Variants in IL17D observed in about 807,000 individuals in gnomAD.
IL17D encodes interleukin-17D.
IL17D carries 10 observed loss-of-function variants against 5.7 expected under a neutral mutation model. The observed-to-expected ratio is 1.75, with a 90% confidence interval of 1.08 to 2.97. The LOEUF is 2.97. Among genes scored for constraint, IL17D ranks in the 30% most tolerant of loss-of-function variants. IL17D has a pLI of 0.00. For synonymous variants in IL17D, 172 were observed against 141.7 expected, an observed-to-expected ratio of 1.21 and a Z score of -1.52; for missense variants, 354 against 292.7, an observed-to-expected ratio of 1.21 and a Z score of -1.53.
chr13:20,718,124 G>T (rs2058692509), intron 1 of IL17D, among the ~76,000 whole-genome samples: 1 of 152,056 alleles, frequency 6.6e-6, no homozygotes, highest in Non-Finnish European at 1.5e-5. Context: ...CCCGCCTTTG[G>T]TTTTCCTGCG....
At chr13:20,707,122 C>T (rs1187025341) in intron 1 of IL17D, among the ~76,000 whole-genome samples, 2 of 152,132 alleles carry the variant, frequency 1.3e-5, no homozygotes, top group Admixed American at 6.5e-5. Flanking sequence ...CTGCCCTCCT[C>T]CCTCCAATCA....
chr13:20,704,553 G>A (rs2058575878), intron 1 of IL17D, among the ~76,000 whole-genome samples: 1 of 148,274 alleles, frequency 6.7e-6, no homozygotes, highest in Admixed American at 6.7e-5. Flanking sequence ...GAGGCGGGGT[G>A]GGGCGGGGCA....
At chr13:20,702,676 T>C (rs527332801), upstream of IL17D, 48 of 152,258 alleles carry the variant, frequency 3.2e-4, no homozygotes, top group African/African-American at 1.1e-3. Flanking sequence ...AGAACTGAGT[T>C]ATCACGGAGT....
intron 1 of IL17D, among the ~76,000 whole-genome samples, chr13:20,705,148 G>A (rs907047842): frequency 2.6e-5 from 4 of 152,158 alleles, no homozygotes; most frequent in African/African-American, 4.8e-5. Flanking sequence ...GCCCTAGGGG[G>A]CAAGGCCTCC....
intron 1 of IL17D, among the ~76,000 whole-genome samples, chr13:20,707,055 C>T (rs2058596391): frequency 6.6e-6 from 1 of 152,164 alleles, no homozygotes; most frequent in Non-Finnish European, 1.5e-5. Context: ...TGGGCTGGGA[C>T]TCCAGATTGC....
chr13:20,720,890 C>G (rs2058727957), intron 1 of IL17D, among the ~76,000 whole-genome samples: 1 of 149,146 alleles, frequency 6.7e-6, no homozygotes, highest in Admixed American at 6.7e-5. Context: ...CCCCCCCTCC[C>G]CCGGCAGACT....
chr13:20,716,559 A>G lies in IL17D; in HGVS notation c.291-5077A>G, dbSNP rs1410869292. ...AATCCATCTCCTTCACTTTGCAAAG[A>G]ACCAGGCAAGGTGGAGTTCTCTGCC... is the stretch of plus-strand genomic sequence containing the variant. On this transcript the variant is annotated intron_variant, in intron 1 of 1. Coordinates refer to ENST00000682841, the MANE Select transcript of IL17D (RefSeq NM_001385224.1). This position sits in a 1 kb window ranked among gnomAD's most constrained non-coding sequence, Gnocchi z 4.2. Among the ~76,000 whole-genome samples, 2 of 152,228 alleles carry G rather than the reference A, an allele frequency of 1.3e-5. No homozygotes were observed. The highest frequency in any genetic ancestry group is 4.8e-5 in the African/African-American group (2 of 41,460).
chr13:20,704,965 T>A (rs1160844579), intron 1 of IL17D, among the ~76,000 whole-genome samples: 3 of 152,088 alleles, frequency 2.0e-5, no homozygotes, highest in African/African-American at 7.2e-5. Flanking sequence ...GTGCATGAAG[T>A]GACATGAACA....
At chr13:20,706,343 AG>A (rs2058592284) in intron 1 of IL17D, among the ~76,000 whole-genome samples, 1 of 152,250 alleles carries the variant, frequency 6.6e-6, no homozygotes, top group Admixed American at 6.5e-5. Context: ...ATAGGATTAA[AG>A]CCACATAAGG....
At chr13:20,704,891 C>T (rs1421201026) in intron 1 of IL17D, among the ~76,000 whole-genome samples, 3 of 152,058 alleles carry the variant, frequency 2.0e-5, no homozygotes, top group East Asian at 1.9e-4. Flanking sequence ...CCTCTGAGCC[C>T]CTCTAGTTTA....
chr13:20,717,626 C>T (rs1279093274), intron 1 of IL17D, among the ~76,000 whole-genome samples: 1 of 152,188 alleles, frequency 6.6e-6, no homozygotes, highest in Non-Finnish European at 1.5e-5. Context: ...CTCAAGCCCC[C>T]GCGCCCTGGG....
intron 1 of IL17D, among the ~76,000 whole-genome samples, chr13:20,706,086 G>C (rs1027485648): frequency 1.3e-5 from 2 of 152,214 alleles, no homozygotes; most frequent in Admixed American, 6.5e-5. Context: ...CTACTCTGCA[G>C]AGGACCAAGC....
chr13:20,714,969 C>T (rs183644883), intron 1 of IL17D, among the ~76,000 whole-genome samples: 31 of 152,184 alleles, frequency 2.0e-4, no homozygotes, highest in Non-Finnish European at 3.4e-4. Context: ...CTACTATACC[C>T]GGCCCTGGCC....
intron 1 of IL17D, among the ~76,000 whole-genome samples, chr13:20,705,333 G>A (rs970834565): frequency 2.2e-4 from 34 of 151,560 alleles, no homozygotes; most frequent in Non-Finnish European, 2.1e-4. Flanking sequence ...GTGGGGGGGC[G>A]TAGGCGAGGT....
intron 1 of IL17D, among the ~76,000 whole-genome samples, chr13:20,706,939 AT>A (rs958582315): frequency 4.6e-5 from 7 of 152,092 alleles, no homozygotes; most frequent in African/African-American, 1.7e-4. Context: ...CATGTGCATC[AT>A]TTTTCATATT....
At chr13:20,709,484 C>A (rs990786625) in intron 1 of IL17D, among the ~76,000 whole-genome samples, 42 of 152,240 alleles carry the variant, frequency 2.8e-4, no homozygotes, top group African/African-American at 9.4e-4. Flanking sequence ...GGATCAATCA[C>A]TCACCAATAC....
Position 20,704,236 on chromosome 13 carries a change from GACCGCCGCTTCCGGCCGCCCACCA to G in IL17D, c.239_262del (p.Arg80_Asn87del). 7.6e-7 allele frequency: 1 copy of G among 1,316,500 alleles called. No homozygotes were observed. Among genetic ancestry groups the G allele is most frequent in the African/African-American group, 1.6e-5 (1 of 62,844 alleles). The allele number at this position is 1,316,500 out of a possible 1,614,324, so 81.6% of individuals were successfully genotyped here. A position where few individuals can be genotyped will look rare whatever the true frequency, so the allele number is the denominator to read the frequency against. ...CTGCCCGGCAGGGGGCAGGCCCGCC[GACCGCCGCTTCCGGCCGCCCACCA>G]ACCTGCGCAGCGTGTCGCCCTGGGC... is the stretch of plus-strand genomic sequence containing the variant. On this transcript the variant is annotated inframe_deletion, in exon 1 of 2. Transcript: ENST00000682841.
intron 1 of IL17D, among the ~76,000 whole-genome samples, chr13:20,711,863 A>G (rs1182464469): frequency 6.6e-6 from 1 of 152,220 alleles, no homozygotes; most frequent in African/African-American, 2.4e-5. Context: ...ATGACCGCCT[A>G]TAGGCAGCTA....
At chr13:20,713,200 A>G (rs940334224) in intron 1 of IL17D, 4 of 152,236 alleles carry the variant, frequency 2.6e-5, no homozygotes, top group Non-Finnish European at 5.9e-5. Context: ...TAGAGAAAGG[A>G]AGAGTGAAGG....
Sources: allele counts gnomAD v4.1 joint callset (sites outside exome capture counted in the v4.1 genomes callset), GRCh38; gene constraint gnomAD v4.1.1; non-coding constraint Gnocchi (gnomAD v3.1); transcripts MANE v1.5; gene names NCBI Gene and HGNC (gene_info 2026-07-23, HGNC 2026-07-21).